Variants in ATP2C1 observed in about 807,000 individuals in gnomAD.
ATP2C1 encodes the protein ATPase secretory pathway Ca2+ transporting 1.
ATP2C1 carries 31 observed loss-of-function variants against 120.5 expected under a neutral mutation model. The observed-to-expected ratio is 0.26, with a 90% CI of 0.19 to 0.35. The LOEUF (loss-of-function observed/expected upper bound fraction) is 0.35. ATP2C1 is among the 10% of genes least tolerant of loss of function. ATP2C1 has a pLI of 1.00. For missense variants in ATP2C1, 731 were observed against 1,107.5 expected, an observed-to-expected ratio of 0.66 and a Z score of 4.83; for synonymous variants, 351 against 358.7, an observed-to-expected ratio of 0.98 and a Z score of 0.24.
chr3:130,935,251 C>T (rs1487718356), intron 5 of ATP2C1, among the ~76,000 whole-genome samples: 1 of 152,100 alleles, frequency 6.6e-6, no homozygotes, highest in Admixed American at 6.5e-5. Context: ...TTATAATTAT[C>T]TGATTAAATT....
At chr3:130,965,846 A>G (rs1313933466) in intron 14 of ATP2C1, among the ~76,000 whole-genome samples, 1 of 152,120 alleles carries the variant, frequency 6.6e-6, no homozygotes, top group Non-Finnish European at 1.5e-5. Flanking sequence ...CCCCATTATA[A>G]GAGAGCAGGA....
At chr3:130,969,648 A>G (rs2061206792) in intron 17 of ATP2C1, among the ~76,000 whole-genome samples, 1 of 152,198 alleles carries the variant, frequency 6.6e-6, no homozygotes, top group Non-Finnish European at 1.5e-5. Context: ...GTTGTAGCCT[A>G]GTCTCAGTCT....
rs184251354 is a variant in ATP2C1 at position 130,972,225 on chromosome 3, G to T, written c.1413+2829G>T. On this transcript the variant is annotated intron_variant, in intron 17 of 27. Transcript: ENST00000510168. ...GACAGGAGATTGAGCTCAGGCAGTA[G>T]TGCTCTCTTGCCTGCAGCCCACTTC... Among the ~76,000 whole-genome samples the T allele has an allele frequency of 1.3e-3, 198 of 152,288 alleles. 1 individual carries two copies. Among genetic ancestry groups the T allele is most frequent in the Middle Eastern group, 3.4e-3 (1 of 294 alleles).
At chr3:131,015,364 C>G in intron 26 of ATP2C1, 2 of 612,278 alleles carry the variant, frequency 3.3e-6, no homozygotes, top group Non-Finnish European at 5.8e-6. Context: ...ATCTCTCCCT[C>G]AAGTACCTCC....
intron 26 of ATP2C1, chr3:131,013,879 TAAATC>T (rs1437928209): frequency 3.8e-6 from 2 of 526,264 alleles, no homozygotes; most frequent in Admixed American, 7.5e-5. Flanking sequence ...AGAAGCTTCT[TAAATC>T]AGGTTGTATT....
chr3:130,990,936 G>A (rs1224546748), intron 20 of ATP2C1, among the ~76,000 whole-genome samples: 2 of 152,180 alleles, frequency 1.3e-5, no homozygotes, highest in African/African-American at 4.8e-5. Context: ...ACATCTAAGA[G>A]GAAATGTGAA....
rs547374202 is a variant in ATP2C1, at chr3:130,855,401, G to A, written c.108+4473G>A. 2.0e-5 allele frequency among the ~76,000 whole-genome samples: 3 copies of A among 152,318 alleles called. No individual in the cohort carries two copies. In the South Asian group the frequency reaches 6.2e-4, roughly 32 times the overall value. On this transcript the variant is annotated intron_variant, in intron 1 of 26. Transcript: ENST00000504381. ...TTGTAAGTATTAGAGAAGCCGTGGG[G>A]TTGGAGGGTTCACGGGGCTGAGGTG... is the stretch of plus-strand genomic sequence containing the variant.
chr3:130,959,585 T>C (rs573750982), intron 12 of ATP2C1: 11 of 233,144 alleles, frequency 4.7e-5, no homozygotes, highest in Non-Finnish European at 9.4e-5. Context: ...TGCCTTTTTA[T>C]ATATAAATAT....
chr3:130,940,777 C>A (rs1001737073), intron 7 of ATP2C1, 86 bp downstream of exon 7: 39 of 1,044,956 alleles, frequency 3.7e-5, no homozygotes, highest in Non-Finnish European at 5.0e-5. Flanking sequence ...GTTATCCCCA[C>A]TTTGTCTGAA....
chr3:130,992,690 T>C (rs1321385220), intron 20 of ATP2C1, among the ~76,000 whole-genome samples: 2 of 152,252 alleles, frequency 1.3e-5, no homozygotes, highest in Non-Finnish European at 2.9e-5. Flanking sequence ...GGCTGTTTTC[T>C]TTCCAGAGTT....
intron 20 of ATP2C1, among the ~76,000 whole-genome samples, chr3:130,990,649 A>C (rs2062288876): frequency 6.6e-6 from 1 of 152,170 alleles, no homozygotes; most frequent in African/African-American, 2.4e-5. Flanking sequence ...TAACAGTGCC[A>C]CTCTGGCTAC....
intron 8 of ATP2C1, among the ~76,000 whole-genome samples, chr3:130,943,405 C>T (rs528537901): frequency 6.6e-5 from 10 of 152,064 alleles, no homozygotes; most frequent in African/African-American, 1.2e-4. Flanking sequence ...TTAGTAGAGA[C>T]GGGGTTTGGC....
At chr3:130,935,079 C>T (rs1376660985) in intron 5 of ATP2C1, among the ~76,000 whole-genome samples, 1 of 152,080 alleles carries the variant, frequency 6.6e-6, no homozygotes, top group Non-Finnish European at 1.5e-5. Context: ...GTGATTCTCC[C>T]ACCTTGACCT....
intron 20 of ATP2C1, among the ~76,000 whole-genome samples, chr3:130,984,479 A>G (rs1368522598): frequency 1.3e-5 from 2 of 152,212 alleles, no homozygotes; most frequent in African/African-American, 4.8e-5. Flanking sequence ...TTAAGTCCCT[A>G]GACCTCCAGC....
intron 8 of ATP2C1, among the ~76,000 whole-genome samples, chr3:130,944,102 T>C (rs990618140): frequency 6.6e-6 from 1 of 152,216 alleles, no homozygotes; most frequent in Non-Finnish European, 1.5e-5. Context: ...GATTTCACTT[T>C]AGAGAAAGCA....
At chr3:130,941,256 G>GTGTC (rs1315563205) in intron 7 of ATP2C1, among the ~76,000 whole-genome samples, 5 of 144,164 alleles carry the variant, frequency 3.5e-5, no homozygotes, top group African/African-American at 1.0e-4. Flanking sequence ...GTGTGTGTGT[G>GTGTC]TGTGTGTGTC....
chr3:130,932,802 T>C (rs2059504002), intron 4 of ATP2C1, among the ~76,000 whole-genome samples: 1 of 152,200 alleles, frequency 6.6e-6, no homozygotes, highest in African/African-American at 2.4e-5. Flanking sequence ...TTAGTAAATG[T>C]CTGTGCCTTT....
intron 12 of ATP2C1, chr3:130,962,931 G>A (rs1236605290): frequency 1.3e-5 from 2 of 151,560 alleles, no homozygotes; most frequent in Non-Finnish European, 2.9e-5. Context: ...AGTCAATTAC[G>A]GTTATAGAAA....
At chr3:130,949,392 T>G (rs2060275554) in intron 8 of ATP2C1, among the ~76,000 whole-genome samples, 1 of 152,140 alleles carries the variant, frequency 6.6e-6, no homozygotes, top group African/African-American at 2.4e-5. Context: ...ACCCTAACTC[T>G]CTTCAGTTCT....
Sources: gnomAD v4.1 joint callset for allele counts (sites outside exome capture counted in the v4.1 genomes callset) on GRCh38, gnomAD v4.1.1 for gene constraint, MANE v1.5 for transcripts, NCBI Gene and HGNC (gene_info 2026-07-23, HGNC 2026-07-21) for gene names.